AP1M1: variants seen among roughly 807,000 people sequenced by gnomAD.
AP1M1 encodes the protein AP-1 complex subunit mu-1.
A neutral mutation model predicts 57.1 loss-of-function variants in AP1M1; 18 were observed. The ratio of observed to expected loss-of-function variants is 0.32; its 90% CI spans 0.22 to 0.47. AP1M1 has a LOEUF of 0.47. AP1M1 is among the 20% of genes least tolerant of loss of function. AP1M1 has a pLI of 1.00. For synonymous variants in AP1M1, 241 were observed against 237.9 expected (o/e 1.01, Z -0.12); for missense variants, 362 against 593.5 (o/e 0.61, Z 4.05).
At position 16,228,154 on chromosome 19, in the gene AP1M1, G is replaced by A; in HGVS notation, c.834G>A (p.Trp278Ter). Residue 278 changes from tryptophan to a stop codon, truncating the protein, a stop_gained, in exon 8 of 12, where the codon TGG becomes TGA. Transcript: ENST00000291439. LOFTEE classifies it high-confidence loss of function. The surrounding 1 kb of genome is among the most constrained non-coding windows in gnomAD (Gnocchi z 5.0). ...RLNTHVKPLI[W>*]IESVIEKHSH... ...CTTGGCAGGTCAAGCCTTTGATATG[G>A]ATCGAGTCGGTGATCGAGAAGCACT... 1 of 1,613,878 alleles carries A rather than the reference G, an allele frequency of 6.2e-7. No individual in the cohort carries two copies. Among genetic ancestry groups the A allele is most frequent in the South Asian group, 1.1e-5 (1 of 91,086 alleles).
chr19:16,227,434 C>A lies in AP1M1; in HGVS notation c.674-114C>A. ...TGGTGTTTGTGGCCCAGGCTGCTCTCAGTGCGTGGACTGGGGGCCCTGCTC... is the reference window on the plus strand; with the variant it reads ...TGGTGTTTGTGGCCCAGGCTGCTCTAAGTGCGTGGACTGGGGGCCCTGCTC... On this transcript the variant is annotated intron_variant, in intron 6 of 11. Coordinates refer to ENST00000291439, the MANE Select transcript of AP1M1 (RefSeq NM_032493.4). The surrounding 1 kb of genome is among the most constrained non-coding windows in gnomAD (Gnocchi z 6.2). The A allele has an allele frequency of 8.1e-7, 1 of 1,236,930 alleles. No individual in the cohort carries two copies. The highest frequency in any genetic ancestry group is 1.2e-6 in the Non-Finnish European group (1 of 868,818). 76.6% of individuals were successfully genotyped at this position (1,236,930 alleles called of 1,614,324 possible). A position where few individuals can be genotyped will look rare whatever the true frequency, so the allele number is the denominator to read the frequency against.
intron 5 of AP1M1, 31 bp downstream of exon 5, chr19:16,209,208 G>T (rs1401620712): frequency 1.2e-6 from 2 of 1,607,658 alleles, no homozygotes; most frequent in East Asian, 2.2e-5. Flanking sequence ...TCTTCTGTAG[G>T]GTTTTATCTC....
At chr19:16,210,107 GAATGGCGTCAT>G (rs1182680739) in intron 5 of AP1M1, among the ~76,000 whole-genome samples, 1 of 152,190 alleles carries the variant, frequency 6.6e-6, no homozygotes, top group East Asian at 1.9e-4. Flanking sequence ...ATTGTCGTAT[GAATGGCGTCAT>G]ACAGTCATGA....
chr19:16,228,009 G>A lies in AP1M1; in HGVS notation c.817-128G>A, dbSNP rs554070739. 36 of 1,006,096 alleles carry A rather than the reference G, an allele frequency of 3.6e-5. No individual in the cohort carries two copies. The highest frequency in any genetic ancestry group is 2.5e-4 in the South Asian group (18 of 70,894). 62.3% of individuals were successfully genotyped at this position (1,006,096 alleles called of 1,614,324 possible). ...TGGCCCTCCCTGACGCTGGCTGTAC[G>A]CTCCCTGCAGGGCTCTGGGCCCACA... On this transcript the variant is annotated intron_variant, in intron 7 of 11. Transcript: ENST00000291439. This position sits in a 1 kb window ranked among gnomAD's most constrained non-coding sequence, Gnocchi z 5.0.
chr19:16,234,482 C>T lies in AP1M1; in HGVS notation c.*47C>T. The T allele has an allele frequency of 6.2e-7, 1 of 1,610,360 alleles. No homozygotes were observed. Reference sequence around the variant, plus strand: ...CCGGCCTCGGGGCTCCTGGTGGCAGCACCAGGGGACACACCTGCCAAACCC... The same window carrying T: ...CCGGCCTCGGGGCTCCTGGTGGCAGTACCAGGGGACACACCTGCCAAACCC... On this transcript the variant is annotated 3_prime_UTR_variant, in exon 12 of 12. Coordinates refer to ENST00000291439, the MANE Select transcript of AP1M1 (RefSeq NM_032493.4).
rs765286533 is a variant in AP1M1 at position 16,207,971 on chromosome 19, G to A, written c.268-48G>A. On this transcript the variant is annotated intron_variant, in intron 3 of 11. Coordinates refer to ENST00000291439, the MANE Select transcript of AP1M1 (RefSeq NM_032493.4). This position sits in a 1 kb window ranked among gnomAD's most constrained non-coding sequence, Gnocchi z 4.2. ...GCGTTCATTCATTCCTCATCCGTCC[G>A]CTCAATGATCTGCCTCCCATTCCTC... 5.1e-6 allele frequency: 8 copies of A among 1,583,300 alleles called. 1 individual carries two copies. Among genetic ancestry groups the A allele is most frequent in the Non-Finnish European group, 6.9e-6 (8 of 1,164,802 alleles).
chr19:16,232,737 C>T (rs955480679), intron 9 of AP1M1, among the ~76,000 whole-genome samples: 4 of 152,242 alleles, frequency 2.6e-5, no homozygotes, highest in African/African-American at 9.6e-5. Flanking sequence ...TCCCACGGAA[C>T]CTCGGCCTGA....
chr19:16,228,641 T>C lies in AP1M1; in HGVS notation c.889-129T>C. On this transcript the variant is annotated intron_variant, in intron 8 of 11. Coordinates refer to ENST00000291439, the MANE Select transcript of AP1M1 (RefSeq NM_032493.4). The surrounding 1 kb of genome is among the most constrained non-coding windows in gnomAD (Gnocchi z 5.0). ...GGCAGGAGAAGGGGTGGGTAGTGCC[T>C]GGAGAAGTGGGGCCAGGGGCGGGGC... 1 of 984,204 alleles carries C rather than the reference T, an allele frequency of 1.0e-6. No individual in the cohort carries two copies. The highest frequency in any genetic ancestry group is 2.3e-5 in the Admixed American group (1 of 43,630). The allele number at this position is 984,204 out of a possible 1,614,324, so 61.0% of individuals were successfully genotyped here. A position where few individuals can be genotyped will look rare whatever the true frequency, so the allele number is the denominator to read the frequency against.
chr19:16,221,847 T>A (rs1243065653), intron 5 of AP1M1, among the ~76,000 whole-genome samples: 2 of 152,034 alleles, frequency 1.3e-5, no homozygotes, highest in Non-Finnish European at 2.9e-5. Flanking sequence ...CCACCACACT[T>A]GGCTAATTTT....
At chr19:16,216,706 C>G (rs2091520527) in intron 5 of AP1M1, among the ~76,000 whole-genome samples, 1 of 152,208 alleles carries the variant, frequency 6.6e-6, no homozygotes, top group African/African-American at 2.4e-5. Context: ...GGGACCAAGG[C>G]TCAGCTTAGG....
intron 5 of AP1M1, among the ~76,000 whole-genome samples, chr19:16,214,356 C>CTTTT (rs36058142): frequency 7.6e-6 from 1 of 131,972 alleles, no homozygotes; most frequent in Admixed American, 7.8e-5. Flanking sequence ...TGCACCCGGC[C>CTTTT]TTTTTTTTTT....
chr19:16,220,988 G>A (rs2091541722), intron 5 of AP1M1, among the ~76,000 whole-genome samples: 1 of 152,200 alleles, frequency 6.6e-6, no homozygotes, highest in Non-Finnish European at 1.5e-5. Context: ...TTTAGTTTCA[G>A]CAGTTAGATG....
chr19:16,198,171 C>G, intron 1 of AP1M1, 103 bp downstream of exon 1: 2 of 1,351,794 alleles, frequency 1.5e-6, no homozygotes, highest in Non-Finnish European at 1.0e-6. Context: ...GAGCCCCATC[C>G]TGGTGTGAGG....
rs753423243 is a variant in AP1M1, at chr19:16,233,575, G to C, written c.1130G>C (p.Ser377Thr). The change falls in exon 10 of 12, where the codon AGT (serine) becomes ACT (threonine). Residue 377 changes from serine (S) to threonine (T), a missense_variant. By Grantham distance (58) the Ser-to-Thr change is moderately conservative (BLOSUM62 1). Around this residue, in one of 2 missense-constraint regions of AP1M1, gnomAD observed 25 missense variants for 82.4 expected, o/e 0.30. Transcript: ENST00000291439. Reference protein sequence around the residue: ...AEDKEGKPPISVKFEIPYFTT... With the variant: ...AEDKEGKPPITVKFEIPYFTT... ...GACAAGGAGGGCAAGCCCCCGATCA[G>C]TGTCAAGTTCGAGATCCCTTACTTC... 3 of 1,610,860 alleles carry C rather than the reference G, an allele frequency of 1.9e-6. No individual in the cohort carries two copies. Among genetic ancestry groups the C allele is most frequent in the Non-Finnish European group, 2.5e-6 (3 of 1,178,826 alleles).
chr19:16,214,243 A>G (rs947132284), intron 5 of AP1M1, among the ~76,000 whole-genome samples: 3 of 150,958 alleles, frequency 2.0e-5, no homozygotes, highest in African/African-American at 7.3e-5. Context: ...TAGTAGAGAC[A>G]GAGTTTCACC....
At chr19:16,204,412 C>T (rs12462493) in intron 2 of AP1M1, among the ~76,000 whole-genome samples, 100,325 of 152,078 alleles carry the variant, frequency 0.66, 35,253 homozygotes, top group Non-Finnish European at 0.8. Context: ...ACTCACAGCC[C>T]GTTTGAGCCC....
chr19:16,232,058 A>G (rs1010352292), intron 9 of AP1M1, among the ~76,000 whole-genome samples: 1 of 152,212 alleles, frequency 6.6e-6, no homozygotes, highest in African/African-American at 2.4e-5. Flanking sequence ...CCTGCTTCAC[A>G]GAAGTTGCTG....
chr19:16,230,794 C>A (rs1449277123), intron 9 of AP1M1, among the ~76,000 whole-genome samples: 1 of 152,078 alleles, frequency 6.6e-6, no homozygotes, highest in African/African-American at 2.4e-5. Flanking sequence ...TGGAACCAAA[C>A]CTGCACTGTG....
rs1032266959 is a variant in AP1M1, at chr19:16,243,413, T to C, written c.*8978T>C. ...TCTCACAAGTAGCTGGGATTACAGG[T>C]GAGCACCACCAAGCTCAGCTATTTT... On this transcript the variant is annotated 3_prime_UTR_variant, in exon 12 of 12. Transcript: ENST00000291439. The C allele has an allele frequency of 2.0e-5, 3 of 147,314 alleles. No individual in the cohort carries two copies. The highest frequency in any genetic ancestry group is 7.4e-5 in the African/African-American group (3 of 40,376). The allele number at this position is 147,314 out of a possible 1,614,324, so 9.1% of individuals were successfully genotyped here. A position where few individuals can be genotyped will look rare whatever the true frequency, so the allele number is the denominator to read the frequency against.
Sources: gnomAD v4.1 joint callset for allele counts (sites outside exome capture counted in the v4.1 genomes callset) on GRCh38, gnomAD v4.1.1 for gene constraint, gnomAD v4.1.1 regional missense constraint, Gnocchi (gnomAD v3.1) non-coding constraint, MANE v1.5 for transcripts, NCBI Gene and HGNC (gene_info 2026-07-23, HGNC 2026-07-21) for gene names.